UBE2G1: variants seen among roughly 807,000 people sequenced by gnomAD.
The protein encoded by UBE2G1 is ubiquitin conjugating enzyme E2 G1.
UBE2G1 carries 5 observed loss-of-function variants against 22.7 expected under a neutral mutation model. The ratio of observed to expected loss-of-function variants is 0.22; its 90% CI spans 0.12 to 0.46. The LOEUF is 0.46. Ranked by LOEUF, UBE2G1 falls within the 20% of genes least tolerant of loss-of-function variation. UBE2G1 has a pLI of 0.99. For synonymous variants in UBE2G1, 74 were observed against 67.5 expected (o/e 1.10, Z -0.47); for missense variants, 88 against 203.9 (o/e 0.43, Z 3.46).
chr17:4,294,412 T>A (rs1969080148), intron 3 of UBE2G1, among the ~76,000 whole-genome samples: 2 of 102,494 alleles, frequency 2.0e-5, no homozygotes, highest in African/African-American at 1.1e-4. Context: ...TGAGACTCCG[T>A]CTCAAAAAAA....
chr17:4,332,337 C>T (rs569528601), intron 1 of UBE2G1, among the ~76,000 whole-genome samples: 12 of 152,024 alleles, frequency 7.9e-5, no homozygotes, highest in African/African-American at 2.9e-4. Context: ...CTAACAGAAA[C>T]AAAAAATAAA....
chr17:4,318,911 AAC>A (rs1969406003), intron 1 of UBE2G1, among the ~76,000 whole-genome samples: 3 of 152,378 alleles, frequency 2.0e-5, no homozygotes, highest in African/African-American at 7.2e-5. Flanking sequence ...ACTTCAGAAA[AAC>A]AGTCTCAAAG....
chr17:4,293,108 G>A (rs1221265294), intron 3 of UBE2G1, among the ~76,000 whole-genome samples: 2 of 152,066 alleles, frequency 1.3e-5, no homozygotes, highest in South Asian at 2.1e-4. Context: ...ACAATGAAAC[G>A]CAGTACCAGT....
At chr17:4,289,451 T>C in intron 3 of UBE2G1, 43 bp from the exon 4 acceptor site, 1 of 1,464,822 alleles carries the variant, frequency 6.8e-7, no homozygotes, top group Non-Finnish European at 9.1e-7. Flanking sequence ...ATTACTAATT[T>C]GGTTATACAT....
At chr17:4,296,659 C>A in intron 3 of UBE2G1, 58 bp downstream of exon 3, 1 of 1,475,952 alleles carries the variant, frequency 6.8e-7, no homozygotes, top group East Asian at 2.3e-5. Context: ...TGACCTTGAA[C>A]ACTTCAATAA....
intron 1 of UBE2G1, among the ~76,000 whole-genome samples, chr17:4,321,012 G>A (rs1398465292): frequency 1.3e-5 from 2 of 152,094 alleles, no homozygotes; most frequent in Non-Finnish European, 2.9e-5. Context: ...CCATTGCCAG[G>A]CGGTGTGAAC....
chr17:4,335,875 G>C (rs571460775), intron 1 of UBE2G1, among the ~76,000 whole-genome samples: 2 of 152,316 alleles, frequency 1.3e-5, no homozygotes, highest in Admixed American at 6.5e-5. Context: ...GCCAGACACT[G>C]TAGCTCTCAC....
intron 1 of UBE2G1, among the ~76,000 whole-genome samples, chr17:4,363,538 C>T (rs73330891): frequency 0.024 from 3,604 of 152,262 alleles, 160 homozygotes; most frequent in African/African-American, 0.082. Flanking sequence ...AGAGCTGGTT[C>T]ACAAACGGAT....
intron 4 of UBE2G1, among the ~76,000 whole-genome samples, chr17:4,284,814 TTTTTCTTTTCTTTTCTTTTC>T (rs66798746): frequency 2.2e-3 from 4 of 1,848 alleles, no homozygotes; most frequent in African/African-American, 2.6e-3. Flanking sequence ...TTTCTTTTTC[TTTTTCTTTTCTTTTCTTTTC>T]TTTCTTTTTT....
chr17:4,295,875 G>C (rs868381465), intron 3 of UBE2G1, among the ~76,000 whole-genome samples: 1 of 148,106 alleles, frequency 6.8e-6, no homozygotes, highest in African/African-American at 2.5e-5. Flanking sequence ...GTGTGGATTT[G>C]AAGTGGTAGC....
At chr17:4,301,538 G>C in intron 2 of UBE2G1, 2 of 1,301,242 alleles carry the variant, frequency 1.5e-6, no homozygotes, top group Non-Finnish European at 2.2e-6. Context: ...AATTCATGCT[G>C]CTATATGCCT....
At chr17:4,288,182 A>G (rs914499282) in intron 4 of UBE2G1, among the ~76,000 whole-genome samples, 2 of 152,138 alleles carry the variant, frequency 1.3e-5, no homozygotes, top group Non-Finnish European at 2.9e-5. Flanking sequence ...ATTTTTTTCT[A>G]TAGATGTGAA....
At chr17:4,294,109 T>C (rs746386928) in intron 3 of UBE2G1, among the ~76,000 whole-genome samples, 10 of 152,256 alleles carry the variant, frequency 6.6e-5, no homozygotes, top group Middle Eastern at 3.4e-3. Context: ...AAGCCAAGCA[T>C]CATCTTCATT....
At chr17:4,315,985 A>G (rs769637739) in intron 1 of UBE2G1, among the ~76,000 whole-genome samples, 1 of 150,636 alleles carries the variant, frequency 6.6e-6, no homozygotes, top group Non-Finnish European at 1.5e-5. Flanking sequence ...TTTTTTATAT[A>G]TATATGTTTT....
chr17:4,279,960 A>G (rs1197942569), intron 5 of UBE2G1, among the ~76,000 whole-genome samples: 4 of 151,916 alleles, frequency 2.6e-5, no homozygotes, highest in Admixed American at 6.6e-5. Context: ...GGTCAAACAC[A>G]TGAAACGATA....
At chr17:4,313,625 T>TTCTCTC (rs71832912) in intron 1 of UBE2G1, among the ~76,000 whole-genome samples, 1 of 149,888 alleles carries the variant, frequency 6.7e-6, no homozygotes, top group African/African-American at 2.4e-5. Context: ...ACGATAGTAT[T>TTCTCTC]TCTCTCTCTC....
intron 1 of UBE2G1, among the ~76,000 whole-genome samples, chr17:4,349,842 C>CAAA (rs11410197): frequency 1.5e-5 from 2 of 133,062 alleles, no homozygotes; most frequent in East Asian, 2.3e-4. Flanking sequence ...GATTCCGTCT[C>CAAA]AAAAAAAAAA....
chr17:4,313,522 G>C (rs1011559144), intron 1 of UBE2G1, among the ~76,000 whole-genome samples: 5 of 152,154 alleles, frequency 3.3e-5, no homozygotes, highest in African/African-American at 1.2e-4. Context: ...GGGCTAGAAA[G>C]ACCTCTCTTT....
intron 1 of UBE2G1, among the ~76,000 whole-genome samples, chr17:4,325,621 G>A (rs1320168488): frequency 6.6e-6 from 1 of 152,028 alleles, no homozygotes; most frequent in East Asian, 1.9e-4. Flanking sequence ...AACAACTTTT[G>A]GAAAACCCAT....
Sources: gnomAD v4.1 joint callset for allele counts (sites outside exome capture counted in the v4.1 genomes callset) on GRCh38, gnomAD v4.1.1 for gene constraint, MANE v1.5 for transcripts, NCBI Gene and HGNC (gene_info 2026-07-23, HGNC 2026-07-21) for gene names.